SLC25A48: variants seen among roughly 807,000 people sequenced by gnomAD.
The protein encoded by SLC25A48 is solute carrier family 25 member 48, also known as CTC-321K16.1.
SLC25A48 carries 29 observed loss-of-function variants against 32.2 expected under a neutral mutation model. The ratio of observed to expected loss-of-function variants is 0.90; its 90% CI spans 0.67 to 1.23. The LOEUF is 1.23. Among genes scored for constraint, SLC25A48 ranks in the 50% most tolerant of loss-of-function variants. SLC25A48 has a pLI of 0.00. For synonymous variants in SLC25A48, 164 were observed against 172.3 expected, an observed-to-expected ratio of 0.95 and a Z score of 0.38; for missense variants, 399 against 422.7, an observed-to-expected ratio of 0.94 and a Z score of 0.49.
intron 3 of SLC25A48, among the ~76,000 whole-genome samples, chr5:135,689,473 A>G (rs1754093913): frequency 6.6e-6 from 1 of 152,240 alleles, no homozygotes; most frequent in Non-Finnish European, 1.5e-5. Context: ...ATTGTTGAAT[A>G]AGTGTCTAAA....
At chr5:135,776,243 C>G (rs1756554463) in intron 3 of SLC25A48, among the ~76,000 whole-genome samples, 1 of 146,694 alleles carries the variant, frequency 6.8e-6, no homozygotes, top group Non-Finnish European at 1.5e-5. Flanking sequence ...GTAAACCTAC[C>G]AGAGGATATT....
At chr5:135,771,301 A>C (rs1019715999) in intron 3 of SLC25A48, among the ~76,000 whole-genome samples, 3 of 151,738 alleles carry the variant, frequency 2.0e-5, no homozygotes, top group Admixed American at 6.6e-5. Flanking sequence ...GTAGAGGGTG[A>C]TAACACTCTC....
chr5:135,660,752 A>G (rs1399909143), intron 3 of SLC25A48, among the ~76,000 whole-genome samples: 4 of 52 alleles, frequency 0.077, no homozygotes, highest in Admixed American at 0.3. Flanking sequence ...CTTTCGTGTC[A>G]TACAATTACC....
chr5:135,644,442 A>G (rs1752911416), intron 3 of SLC25A48, among the ~76,000 whole-genome samples: 1 of 151,932 alleles, frequency 6.6e-6, no homozygotes, highest in African/African-American at 2.4e-5. Flanking sequence ...CATCTGATGA[A>G]CCCCAGGTGC....
intron 3 of SLC25A48, among the ~76,000 whole-genome samples, chr5:135,766,321 G>T (rs1756225499): frequency 6.7e-6 from 1 of 148,196 alleles, no homozygotes; most frequent in Admixed American, 6.8e-5. Flanking sequence ...TTGCGGTGGT[G>T]TACACCCCCC....
intron 7 of SLC25A48, among the ~76,000 whole-genome samples, chr5:135,882,775 G>A (rs1055748013): frequency 1.3e-5 from 2 of 152,156 alleles, no homozygotes; most frequent in South Asian, 2.1e-4. Context: ...AGAGCTCCCT[G>A]GAATAGTGCT....
chr5:135,669,750 A>T (rs116312653), intron 3 of SLC25A48, among the ~76,000 whole-genome samples: 26 of 152,336 alleles, frequency 1.7e-4, no homozygotes, highest in African/African-American at 6.3e-4. Context: ...GAACAGCCTC[A>T]TGCACAGAGG....
At chr5:135,606,956 C>T (rs182149945) in intron 1 of SLC25A48, among the ~76,000 whole-genome samples, 6 of 152,300 alleles carry the variant, frequency 3.9e-5, no homozygotes, top group African/African-American at 1.4e-4. Context: ...CTTCTGTTCC[C>T]TGCATACTCC....
rs1759124165 is a variant in SLC25A48 at position 135,842,893 on chromosome 5, T to C, written c.90+434T>C. 2.0e-5 allele frequency among the ~76,000 whole-genome samples: 3 copies of C among 152,314 alleles called. No individual in the cohort carries two copies. In the South Asian group the frequency reaches 6.2e-4, roughly 32 times the overall value. ...CCACCCCTGCACCCGTCCCCAGTGGTGAGCAGAATTTAGAGCTATGCTCTG... is the reference window on the plus strand; with the variant it reads ...CCACCCCTGCACCCGTCCCCAGTGGCGAGCAGAATTTAGAGCTATGCTCTG... On this transcript the variant is annotated intron_variant, in intron 2 of 7. Coordinates refer to ENST00000681962, the MANE Select transcript of SLC25A48 (RefSeq NM_001349336.2).
At chr5:135,695,909 A>G (rs1006129109) in intron 3 of SLC25A48, among the ~76,000 whole-genome samples, 10 of 152,216 alleles carry the variant, frequency 6.6e-5, no homozygotes, top group African/African-American at 2.4e-4. Flanking sequence ...AAGTCTCTCC[A>G]AAAGCAGGAT....
chr5:135,709,547 C>A (rs541886625), intron 3 of SLC25A48, among the ~76,000 whole-genome samples: 1 of 152,334 alleles, frequency 6.6e-6, no homozygotes, highest in South Asian at 2.1e-4. Flanking sequence ...TTTTAGTAAG[C>A]TAACTCTGGT....
chr5:135,872,032 G>T, intron 5 of SLC25A48: 1 of 1,269,058 alleles, frequency 7.9e-7, no homozygotes, highest in South Asian at 3.4e-5. Flanking sequence ...TTTATTAAAT[G>T]CAATCTTTGT....
At chr5:135,880,892 G>T (rs780761475) in intron 7 of SLC25A48, among the ~76,000 whole-genome samples, 1 of 152,120 alleles carries the variant, frequency 6.6e-6, no homozygotes, top group Non-Finnish European at 1.5e-5. Flanking sequence ...CAGGATGCCG[G>T]CTTGCTTTCT....
intron 3 of SLC25A48, among the ~76,000 whole-genome samples, chr5:135,732,012 T>G (rs1289455526): frequency 3.9e-5 from 6 of 152,250 alleles, no homozygotes; most frequent in African/African-American, 1.4e-4. Context: ...GTGTCTGGAA[T>G]AAGACTGGGG....
intron 1 of SLC25A48, among the ~76,000 whole-genome samples, chr5:135,624,653 TG>T (rs1437140078): frequency 6.6e-6 from 1 of 152,176 alleles, no homozygotes; most frequent in Non-Finnish European, 1.5e-5. Context: ...AAATGAGTAC[TG>T]GCAAGGTGGG....
At chr5:135,621,540 G>T (rs1315798556) in intron 1 of SLC25A48, among the ~76,000 whole-genome samples, 1 of 151,910 alleles carries the variant, frequency 6.6e-6, no homozygotes, top group Non-Finnish European at 1.5e-5. Context: ...AATAGTTCTG[G>T]CACAAAAATT....
At chr5:135,789,458 G>A (rs1345677922) in intron 3 of SLC25A48, among the ~76,000 whole-genome samples, 1 of 151,618 alleles carries the variant, frequency 6.6e-6, no homozygotes, top group East Asian at 2.0e-4. Context: ...ATCTAGCCAG[G>A]GAGAAGGTGG....
chr5:135,581,235 G>A (rs1561743897), intron 1 of SLC25A48, among the ~76,000 whole-genome samples: 1 of 152,224 alleles, frequency 6.6e-6, no homozygotes, highest in Non-Finnish European at 1.5e-5. Context: ...TCATACAGAT[G>A]TACCAGAATT....
intron 2 of SLC25A48, among the ~76,000 whole-genome samples, chr5:135,631,983 G>A (rs1349740202): frequency 1.3e-5 from 2 of 152,186 alleles, no homozygotes; most frequent in South Asian, 2.1e-4. Context: ...GCCCACAAGT[G>A]CCTCCATGTT....
Sources: allele counts gnomAD v4.1 joint callset (sites outside exome capture counted in the v4.1 genomes callset), GRCh38; gene constraint gnomAD v4.1.1; transcripts MANE v1.5; gene names NCBI Gene and HGNC (gene_info 2026-07-23, HGNC 2026-07-21).